Variants in COL5A3 observed in about 807,000 individuals in gnomAD.
COL5A3 encodes collagen alpha-3(V) chain.
In COL5A3, 172 loss-of-function variants were observed where a neutral mutation model predicts 250.0. The observed-to-expected ratio is 0.69, with a 90% CI of 0.61 to 0.78. COL5A3 has a LOEUF of 0.78. Ranked by LOEUF, COL5A3 falls within the 30% of genes least tolerant of loss-of-function variation. The probability of loss-of-function intolerance (pLI) is 0.00; values close to 1 mark genes in which losing one functional copy is unlikely to be tolerated. For missense variants in COL5A3, 2,340 were observed against 2,334.4 expected (o/e 1.00, Z -0.05); for synonymous variants, 937 against 900.4 (o/e 1.04, Z -0.73).
chr19:9,973,616 CGCTCA>C lies in COL5A3; in HGVS notation c.3615_3619del (p.Glu1206ArgfsTer23). The C allele has an allele frequency of 6.2e-7, 1 of 1,612,306 alleles. No individual in the cohort carries two copies. The highest frequency in any genetic ancestry group is 8.5e-7 in the Non-Finnish European group (1 of 1,179,138). On this transcript the variant is annotated frameshift_variant and splice_region_variant, in exon 50 of 67. Coordinates refer to ENST00000264828, the MANE Select transcript of COL5A3 (RefSeq NM_015719.4). LOFTEE classifies it high-confidence loss of function. The stretch of plus-strand genomic sequence containing the variant: ...AGGCCCTGGGTCTCCAGCGTCCCCT[CGCTCA>C]CCCTGCAGGAGGCAAAGTGAGAGTG...
At chr19:9,980,515 C>T in intron 35 of COL5A3, 133 bp downstream of exon 35, 1 of 1,318,776 alleles carries the variant, frequency 7.6e-7, no homozygotes, top group South Asian at 1.4e-5. Flanking sequence ...GCGTGCACCA[C>T]CACACCCAAT....
At chr19:9,993,962 A>G (rs1314576318) in intron 16 of COL5A3, among the ~76,000 whole-genome samples, 156 bp from the exon 17 acceptor site, 2 of 151,960 alleles carry the variant, frequency 1.3e-5, no homozygotes, top group Non-Finnish European at 1.5e-5. Flanking sequence ...TTCTCAGCTC[A>G]CTGCAACCTC....
Position 9,990,620 on chromosome 19 carries a change from T to A in COL5A3, c.1992+990A>T, listed in dbSNP as rs2087174827. ...CTCTGTCGCCCAGGCTGGAGTGCAG[T>A]GGCAAGATCTCGGCTCACTGCAAGC... is the stretch of plus-strand genomic sequence containing the variant. On this transcript the variant is annotated intron_variant, in intron 24 of 66. Coordinates refer to ENST00000264828, the MANE Select transcript of COL5A3 (RefSeq NM_015719.4). 4.6e-5 allele frequency among the ~76,000 whole-genome samples: 7 copies of A among 151,996 alleles called. No individual in the cohort carries two copies. In the South Asian group the frequency reaches 1.3e-3, roughly 27 times the overall value.
intron 4 of COL5A3, among the ~76,000 whole-genome samples, 182 bp from the exon 5 acceptor site, chr19:10,004,327 C>T (rs966953975): frequency 1.3e-5 from 2 of 152,122 alleles, no homozygotes; most frequent in African/African-American, 2.4e-5. Context: ...CTCTCTACCC[C>T]CTGTAACTAA....
chr19:9,996,384 T>C, intron 13 of COL5A3, 49 bp downstream of exon 13: 1 of 1,599,344 alleles, frequency 6.3e-7, no homozygotes, highest in Admixed American at 1.7e-5. Context: ...ACGCCGAGGC[T>C]CTATCACTCT....
chr19:9,970,462 T>TGA (rs2145067769), intron 54 of COL5A3, among the ~76,000 whole-genome samples, 160 bp downstream of exon 54: 6 of 18,518 alleles, frequency 3.2e-4, no homozygotes, highest in Admixed American at 2.4e-3. Context: ...GGTCTGTGGG[T>TGA]GTGTGGGGTC....
intron 16 of COL5A3, among the ~76,000 whole-genome samples, chr19:9,994,398 G>A (rs914862842): frequency 1.3e-5 from 2 of 149,036 alleles, no homozygotes; most frequent in Non-Finnish European, 1.5e-5. Context: ...TGCACAAGCT[G>A]GTCTCAAACT....
intron 45 of COL5A3, among the ~76,000 whole-genome samples, chr19:9,974,642 T>A (rs2086895797): frequency 6.6e-6 from 1 of 152,262 alleles, no homozygotes; most frequent in South Asian, 2.1e-4. Flanking sequence ...GAGGTTCAGT[T>A]CTTGGGCAGG....
intron 54 of COL5A3, among the ~76,000 whole-genome samples, 163 bp from the exon 55 acceptor site, chr19:9,970,085 G>GAGGCTGT (rs2086809360): frequency 1.5e-5 from 1 of 68,936 alleles, no homozygotes; most frequent in Non-Finnish European, 2.8e-5. Flanking sequence ...TGGGTGAGTG[G>GAGGCTGT]GGGCTGTGGC....
At position 9,990,070 on chromosome 19, in the gene COL5A3, CTG is replaced by C. The variant is rs747952228; in HGVS notation, c.1993-550_1993-549del. Among the ~76,000 whole-genome samples, 10 of 53,272 alleles carry C rather than the reference CTG, an allele frequency of 1.9e-4. 1 individual carries two copies. Among genetic ancestry groups the C allele is most frequent in the Admixed American group, 8.4e-4 (5 of 5,972 alleles). The allele number at this position is 53,272 out of a possible 152,430, so 34.9% of individuals were successfully genotyped here. A position where few individuals can be genotyped will look rare whatever the true frequency, so the allele number is the denominator to read the frequency against. ...CCCGCCTTCCCTGGCAGACACACTT[CTG>C]TGTGATAATTTACTTGTACATTTAA... is the stretch of plus-strand genomic sequence containing the variant. On this transcript the variant is annotated intron_variant, in intron 24 of 66. Transcript: ENST00000264828.
chr19:9,995,894 T>C, intron 15 of COL5A3, 172 bp downstream of exon 15: 1 of 707,468 alleles, frequency 1.4e-6, no homozygotes, highest in South Asian at 2.7e-5. Context: ...TCCTCCCACC[T>C]CGGCCTCCCA....
chr19:9,962,755 C>A, intron 65 of COL5A3, 64 bp downstream of exon 65: 1 of 1,357,620 alleles, frequency 7.4e-7, no homozygotes, highest in South Asian at 1.2e-5. Flanking sequence ...ACCCACCCCT[C>A]AAACCCCCCT....
chr19:9,980,862 G>T lies in COL5A3; in HGVS notation c.2506-3C>A. On this transcript the variant is annotated splice_polypyrimidine_tract_variant and splice_region_variant and intron_variant, in intron 33 of 66. Coordinates refer to ENST00000264828, the MANE Select transcript of COL5A3 (RefSeq NM_015719.4). ...TGCCCCCTCTCTCCACGGGAACCCTGAACAAAAAAAAAAGGCAAAGATCAG... is the reference window on the plus strand; with the variant it reads ...TGCCCCCTCTCTCCACGGGAACCCTTAACAAAAAAAAAAGGCAAAGATCAG... 6.3e-7 allele frequency: 1 copy of T among 1,595,748 alleles called. No homozygotes were observed. The highest frequency in any genetic ancestry group is 1.8e-5 in the Admixed American group (1 of 56,444).
intron 64 of COL5A3, among the ~76,000 whole-genome samples, chr19:9,964,510 C>T (rs1439187605): frequency 1.3e-5 from 2 of 152,022 alleles, no homozygotes; most frequent in Non-Finnish European, 2.9e-5. Flanking sequence ...GAGGCTGAGA[C>T]AGGAGGATCA....
Position 9,986,397 on chromosome 19 carries a change from C to G in COL5A3, c.2270G>C (p.Arg757Pro). 1 of 1,611,988 alleles carries G rather than the reference C, an allele frequency of 6.2e-7. No homozygotes were observed. Among genetic ancestry groups the G allele is most frequent in the South Asian group, 1.1e-5 (1 of 91,066 alleles). ...CGGCCCCTCAGGACCATCCTCTCCC[C>G]GGGGACCTGGAGCTCCGGGTTTCCC... ...DQGKPGAPGP[R>P]GEDGPEGPKG... The change falls in exon 30 of 67, where the codon CGG becomes CCG. Residue 757 changes from arginine to proline, a missense_variant. By Grantham distance (103) the Arg-to-Pro change is moderately radical. This residue lies in a region of COL5A3 where 1,152 missense variants were observed against 1,146.3 expected (regional missense o/e 1.00). Transcript: ENST00000264828.
At chr19:9,967,967 G>A in intron 60 of COL5A3, 28 bp from the exon 61 acceptor site, 1 of 1,608,720 alleles carries the variant, frequency 6.2e-7, no homozygotes, top group Non-Finnish European at 8.5e-7. Flanking sequence ...GGAGAGCTGA[G>A]GTCCTGGCCT....
At chr19:9,963,039 G>T in intron 64 of COL5A3, 152 bp from the exon 65 acceptor site, 1 of 621,476 alleles carries the variant, frequency 1.6e-6, no homozygotes, top group South Asian at 1.9e-5. Context: ...TGCACAATGG[G>T]GGAAGGAGGT....
rs2087216489 is a variant in COL5A3, at chr19:9,993,022, C to T, written c.1794+1G>A. The T allele has an allele frequency of 1.2e-6, 2 of 1,613,524 alleles. No homozygotes were observed. Among genetic ancestry groups the T allele is most frequent in the African/African-American group, 1.3e-5 (1 of 74,900 alleles). On this transcript the variant is annotated splice_donor_variant, in intron 20 of 66. Coordinates refer to ENST00000264828, the MANE Select transcript of COL5A3 (RefSeq NM_015719.4). LOFTEE classifies it high-confidence loss of function. ...GGGGCCCAGGGATCCCTGATACTCA[C>T]CGGCTCCCCAGCCTGGCCAGTGGGC...
intron 54 of COL5A3, among the ~76,000 whole-genome samples, chr19:9,970,173 G>T (rs1249523262): frequency 1.6e-5 from 1 of 64,158 alleles, no homozygotes; most frequent in African/African-American, 8.1e-5. Flanking sequence ...GGTGAGTGGG[G>T]TCTGTGGGTG....
Sources: gnomAD v4.1 joint callset for allele counts (sites outside exome capture counted in the v4.1 genomes callset) on GRCh38, gnomAD v4.1.1 for gene constraint, gnomAD v4.1.1 regional missense constraint, MANE v1.5 for transcripts, NCBI Gene and HGNC (gene_info 2026-07-23, HGNC 2026-07-21) for gene names.